The following CTNNA1 variants were observed in gnomAD, a reference collection of about 807,000 sequenced individuals.
CTNNA1 encodes the protein catenin alpha 1.
A neutral mutation model predicts 98.4 loss-of-function variants in CTNNA1; 37 were observed. The ratio of observed to expected loss-of-function variants is 0.38; its 90% confidence interval spans 0.29 to 0.49. CTNNA1 has a LOEUF of 0.49. CTNNA1 is among the 20% of genes least tolerant of loss of function. The pLI is 0.95. For synonymous variants in CTNNA1, 404 were observed against 413.2 expected, an observed-to-expected ratio of 0.98 and a Z score of 0.27; for missense variants, 761 against 1,147.2, an observed-to-expected ratio of 0.66 and a Z score of 4.86.
intron 14 of CTNNA1, 141 bp from the exon 15 acceptor site, chr5:138,930,332 T>A: frequency 1.6e-6 from 1 of 639,632 alleles, no homozygotes; most frequent in Non-Finnish European, 2.7e-6. Context: ...ATGAGAGAAA[T>A]AGCCCTTCAG....
rs777626349 is a variant in CTNNA1 at position 138,874,361 on chromosome 5, G to A, written c.1063-11851G>A. 1 of 1,613,998 alleles carries A rather than the reference G, an allele frequency of 6.2e-7. No individual in the cohort carries two copies. Among genetic ancestry groups the A allele is most frequent in the African/African-American group, 1.3e-5 (1 of 75,032 alleles). ...CTCTGTGATGTGATTGTGCCTCAGGGACAGGCCCAGAGAGCCCTTGTCTGT... is the reference window on the plus strand; with the variant it reads ...CTCTGTGATGTGATTGTGCCTCAGGAACAGGCCCAGAGAGCCCTTGTCTGT... On this transcript the variant is annotated intron_variant, in intron 7 of 17. Transcript: ENST00000302763. The surrounding 1 kb of genome is among the most constrained non-coding windows in gnomAD (Gnocchi z 4.1).
intron 1 of CTNNA1, among the ~76,000 whole-genome samples, chr5:138,765,460 G>A (rs1304433898): frequency 6.6e-6 from 1 of 152,166 alleles, no homozygotes; most frequent in Non-Finnish European, 1.5e-5. Context: ...GGGATTATAG[G>A]TGAGAGCCAC....
intron 5 of CTNNA1, among the ~76,000 whole-genome samples, chr5:138,812,936 T>A (rs753108087): frequency 6.6e-6 from 1 of 152,248 alleles, no homozygotes; most frequent in Non-Finnish European, 1.5e-5. Flanking sequence ...CATCTTCTTA[T>A]ATCTTTCATA....
intron 16 of CTNNA1, chr5:138,931,732 T>C (rs898109276): frequency 1.5e-5 from 15 of 985,486 alleles, no homozygotes; most frequent in Middle Eastern, 1.0e-3. Context: ...CTGTCAATAC[T>C]GTCATCTGAA....
chr5:138,864,647 C>G (rs1240824758), intron 7 of CTNNA1, among the ~76,000 whole-genome samples: 1 of 152,060 alleles, frequency 6.6e-6, no homozygotes, highest in Non-Finnish European at 1.5e-5. Flanking sequence ...CAGGAATGAA[C>G]AAAGACAACT....
chr5:138,864,293 G>A (rs1764542642), intron 7 of CTNNA1, among the ~76,000 whole-genome samples: 1 of 152,068 alleles, frequency 6.6e-6, no homozygotes, highest in Non-Finnish European at 1.5e-5. Context: ...TTGCCCACCA[G>A]TCTTAAGTTT....
Position 138,892,328 on chromosome 5 carries a change from GTTTTTTTTTTT to G in CTNNA1, c.1296+4705_1296+4715del, listed in dbSNP as rs70982738. 3.3e-4 allele frequency among the ~76,000 whole-genome samples: 26 copies of G among 79,244 alleles called. 1 individual carries two copies. The highest frequency in any genetic ancestry group is 1.3e-3 in the East Asian group (2 of 1,554). 52.0% of individuals were successfully genotyped at this position (79,244 alleles called of 152,430 possible). A position where few individuals can be genotyped will look rare whatever the true frequency, so the allele number is the denominator to read the frequency against. On this transcript the variant is annotated intron_variant, in intron 9 of 17. Transcript: ENST00000302763. ...TGGAAAAAGAATATAAAATAGCTTAGTTTTTTTTTTTTTTTTTTTTTTTTTTTTTGAGACAG... is the reference window on the plus strand; with the variant it reads ...TGGAAAAAGAATATAAAATAGCTTAGTTTTTTTTTTTTTTTTTTGAGACAG...
At chr5:138,851,583 C>T (rs1763186741) in intron 7 of CTNNA1, among the ~76,000 whole-genome samples, 2 of 150,024 alleles carry the variant, frequency 1.3e-5, no homozygotes, top group East Asian at 1.9e-4. Context: ...CATGGTGAAA[C>T]CCTGTCTCTT....
chr5:138,843,718 G>A (rs1331612166), intron 7 of CTNNA1, among the ~76,000 whole-genome samples: 1 of 152,212 alleles, frequency 6.6e-6, no homozygotes. Flanking sequence ...GTGAGAATGG[G>A]TCAGGCATTT....
chr5:138,858,301 A>G (rs1463650828), intron 7 of CTNNA1, among the ~76,000 whole-genome samples: 1 of 151,132 alleles, frequency 6.6e-6, no homozygotes, highest in African/African-American at 2.4e-5. Flanking sequence ...TAATTTTTTT[A>G]TTTTTTATAG....
chr5:138,812,494 G>C (rs1425263913), intron 5 of CTNNA1, among the ~76,000 whole-genome samples, 192 bp downstream of exon 5: 1 of 152,076 alleles, frequency 6.6e-6, no homozygotes, highest in African/African-American at 2.4e-5. Flanking sequence ...TTCATGTTAT[G>C]CTCCTATTTT....
At chr5:138,828,056 G>A (rs537740465) in intron 7 of CTNNA1, 24 of 222,902 alleles carry the variant, frequency 1.1e-4, no homozygotes, top group African/African-American at 4.1e-4. Context: ...TTTTTCCCCC[G>A]AAGCCTTTGG....
intron 10 of CTNNA1, among the ~76,000 whole-genome samples, chr5:138,911,082 A>G (rs1424301011): frequency 6.6e-6 from 1 of 152,168 alleles, no homozygotes; most frequent in Non-Finnish European, 1.5e-5. Context: ...CTATAAAAAT[A>G]AAAAATTTGC....
chr5:138,855,592 G>A (rs1345958897), intron 7 of CTNNA1, among the ~76,000 whole-genome samples: 1 of 152,204 alleles, frequency 6.6e-6, no homozygotes, highest in Non-Finnish European at 1.5e-5. Flanking sequence ...GTGGTTTTTA[G>A]TTGCTGGCAC....
chr5:138,933,314 G>A (rs1765812613), intron 17 of CTNNA1, among the ~76,000 whole-genome samples: 1 of 152,168 alleles, frequency 6.6e-6, no homozygotes, highest in Non-Finnish European at 1.5e-5. Context: ...GCAGGGGAAA[G>A]AAGAGGTTTG....
At chr5:138,755,845 C>CTTTTTTTT (rs60260246) in intron 1 of CTNNA1, among the ~76,000 whole-genome samples, 45 of 58,462 alleles carry the variant, frequency 7.7e-4, no homozygotes, top group South Asian at 1.9e-3. Context: ...GGATTTCCTT[C>CTTTTTTTT]TTTTTTTTTT....
At chr5:138,919,643 G>T (rs1294886564) in intron 11 of CTNNA1, among the ~76,000 whole-genome samples, 3 of 152,196 alleles carry the variant, frequency 2.0e-5, no homozygotes, top group Non-Finnish European at 4.4e-5. Flanking sequence ...TGATTTGATG[G>T]AAAGGAGTTT....
intron 3 of CTNNA1, among the ~76,000 whole-genome samples, chr5:138,801,926 C>G (rs894774166): frequency 2.0e-5 from 3 of 152,138 alleles, no homozygotes; most frequent in African/African-American, 2.4e-5. Flanking sequence ...TTAGTGAAGG[C>G]AAACTTCTCG....
chr5:138,843,084 G>C (rs1762407064), intron 7 of CTNNA1, among the ~76,000 whole-genome samples: 1 of 152,142 alleles, frequency 6.6e-6, no homozygotes, highest in Non-Finnish European at 1.5e-5. Flanking sequence ...TAACCCTCAA[G>C]ATTTGAACAG....
Sources: gnomAD v4.1 joint callset for allele counts (sites outside exome capture counted in the v4.1 genomes callset) on GRCh38, gnomAD v4.1.1 for gene constraint, Gnocchi (gnomAD v3.1) non-coding constraint, MANE v1.5 for transcripts, NCBI Gene and HGNC (gene_info 2026-07-23, HGNC 2026-07-21) for gene names.